Variants in GYS1 observed in about 807,000 individuals in gnomAD.
GYS1 encodes the protein glycogen synthase 1.
GYS1 carries 60 observed loss-of-function variants against 89.1 expected under a neutral mutation model. The ratio of observed to expected loss-of-function variants is 0.67; its 90% CI spans 0.55 to 0.84. The LOEUF (loss-of-function observed/expected upper bound fraction) is 0.84, where lower values mean the gene tolerates loss of function less well. Among genes scored for constraint, GYS1 ranks in the 40% least tolerant of loss-of-function variants. The pLI is 0.00. For missense variants in GYS1, 888 were observed against 1,003.1 expected, an observed-to-expected ratio of 0.89 and a Z score of 1.55; for synonymous variants, 366 against 401.7, an observed-to-expected ratio of 0.91 and a Z score of 1.06.
intron 12 of GYS1, among the ~76,000 whole-genome samples, chr19:48,971,647 C>T (rs1042865471): frequency 3.3e-5 from 5 of 151,630 alleles, no homozygotes; most frequent in African/African-American, 9.7e-5. Flanking sequence ...CTTCACCTCC[C>T]GGGTTCAAGC....
intron 6 of GYS1, 38 bp downstream of exon 6, chr19:48,982,682 C>T: frequency 1.4e-6 from 2 of 1,388,028 alleles, no homozygotes; most frequent in Non-Finnish European, 2.1e-6. Flanking sequence ...GCTCCCAACG[C>T]CCTCCTCTCT....
Position 48,991,673 on chromosome 19 carries a change from G to C in GYS1, c.119-190C>G, listed in dbSNP as rs1431625619. 4.8e-6 allele frequency: 3 copies of C among 630,122 alleles called. No individual in the cohort carries two copies. In the Admixed American group the frequency reaches 8.2e-5, roughly 17 times the overall value. 39.0% of individuals were successfully genotyped at this position (630,122 alleles called of 1,614,324 possible). A position where few individuals can be genotyped will look rare whatever the true frequency, so the allele number is the denominator to read the frequency against. On this transcript the variant is annotated intron_variant, in intron 1 of 15. Transcript: ENST00000323798. The surrounding 1 kb of genome is among the most constrained non-coding windows in gnomAD (Gnocchi z 4.7). ...GATGAGGGGAACACGAGGGCTGGAG[G>C]GCAGTCCTCCTGGGTCTAAGGGAGA...
At chr19:48,969,908 C>T (rs1286477760) in intron 14 of GYS1, 53 bp from the exon 15 acceptor site, 2 of 1,273,600 alleles carry the variant, frequency 1.6e-6, no homozygotes, top group Non-Finnish European at 2.3e-6. Context: ...GCCCCACCCC[C>T]AGGCAGATGA....
Position 48,977,871 on chromosome 19 carries a change from C to T in GYS1, c.1308+53G>A, listed in dbSNP as rs896497796. On this transcript the variant is annotated intron_variant, in intron 10 of 15. Coordinates refer to ENST00000323798, the MANE Select transcript of GYS1 (RefSeq NM_002103.5). ...GGGTCTGAGCTGGCCTGGCAAGCTG[C>T]CTCTGGGGCTGCCAGGAACTGCTAT... The T allele has an allele frequency of 6.5e-6, 9 of 1,393,440 alleles. 1 individual carries two copies. In the Admixed American group the frequency reaches 6.7e-5, roughly 10 times the overall value. The allele number at this position is 1,393,440 out of a possible 1,614,324, so 86.3% of individuals were successfully genotyped here. A position where few individuals can be genotyped will look rare whatever the true frequency, so the allele number is the denominator to read the frequency against.
At chr19:48,971,929 A>G (rs1210419261) in intron 12 of GYS1, among the ~76,000 whole-genome samples, 1 of 148,962 alleles carries the variant, frequency 6.7e-6, no homozygotes, top group Non-Finnish European at 1.5e-5. Context: ...TGGCTTGATC[A>G]TAGCTCACTG....
At chr19:48,989,713 C>G (rs2038893220) in intron 2 of GYS1, among the ~76,000 whole-genome samples, 1 of 152,170 alleles carries the variant, frequency 6.6e-6, no homozygotes, top group Non-Finnish European at 1.5e-5. Context: ...GCATGAGCCA[C>G]CGCCCTCGGC....
intron 10 of GYS1, among the ~76,000 whole-genome samples, chr19:48,976,112 C>CA (rs1217954670): frequency 6.6e-6 from 1 of 151,942 alleles, no homozygotes. Flanking sequence ...TACCACCACT[C>CA]TACTGAGTCT....
chr19:48,970,395 C>T (rs1217131458), intron 14 of GYS1, 151 bp downstream of exon 14: 4 of 700,978 alleles, frequency 5.7e-6, no homozygotes, highest in East Asian at 5.4e-5. Flanking sequence ...GCTGGGATTA[C>T]AACCATGAGC....
In GYS1 at chr19:48,991,707, G is replaced by A. The variant is rs2038932542; in HGVS notation, c.119-224C>T. Among the ~76,000 whole-genome samples, 1 of 152,086 alleles carries A rather than the reference G, an allele frequency of 6.6e-6. No homozygotes were observed. The highest frequency in any genetic ancestry group is 2.1e-4 in the South Asian group (1 of 4,826). On this transcript the variant is annotated intron_variant, in intron 1 of 15. Transcript: ENST00000323798. The surrounding 1 kb of genome is among the most constrained non-coding windows in gnomAD (Gnocchi z 4.7). ...CCTGGGTCTAAGGGAGAAGGGGGCT[G>A]GGGTCAGGACCCTGAAGGAGGAGGG...
In GYS1 at chr19:48,970,616, C is replaced by T; in HGVS notation, c.1739G>A (p.Arg580Gln). Residue 580 changes from arginine (R) to glutamine (Q), a missense_variant, in exon 14 of 16, where the codon CGG (arginine) becomes CAG (glutamine). Transcript: ENST00000323798. ...GCGGTTCCGCTGGATGATACGCTGC[C>T]GCCGGCTCTGCTGACAGAAACTGTA... is the stretch of plus-strand genomic sequence containing the variant. ...FLYSFCQQSR[R>Q]QRIIQRNRTE... is the part of the protein sequence containing the mutation. 6.2e-7 allele frequency: 1 copy of T among 1,613,974 alleles called. No individual in the cohort carries two copies. Among genetic ancestry groups the T allele is most frequent in the African/African-American group, 1.3e-5 (1 of 75,026 alleles).
chr19:48,970,268 G>A (rs2038540416), intron 14 of GYS1: 3 of 479,310 alleles, frequency 6.3e-6, no homozygotes, highest in Admixed American at 3.4e-5. Context: ...GGGACTACAG[G>A]CACGCACCAT....
intron 11 of GYS1, 103 bp from the exon 12 acceptor site, chr19:48,974,442 A>AT: frequency 7.4e-7 from 1 of 1,351,332 alleles, no homozygotes; most frequent in Non-Finnish European, 1.1e-6. Context: ...AGCATCACAC[A>AT]GCATGTGTTT....
rs200998100 is a variant in GYS1 at position 48,991,389 on chromosome 19, C to T, written c.213G>A (p.Gln71=). ...NYFLVGPYTE[Q]GVRTQVELLE... ...GCAGTTCCACCTGGGTCCTCACGCC[C>T]TGCTCCGTGTACGGCCCCACCAGGA... Residue 71 remains glutamine (Q), a synonymous_variant, in exon 2 of 16, where the codon CAG becomes CAA. Coordinates refer to ENST00000323798, the MANE Select transcript of GYS1 (RefSeq NM_002103.5). This position sits in a 1 kb window ranked among gnomAD's most constrained non-coding sequence, Gnocchi z 4.7. The T allele has an allele frequency of 6.2e-7, 1 of 1,614,048 alleles. No individual in the cohort carries two copies. The highest frequency in any genetic ancestry group is 1.3e-5 in the African/African-American group (1 of 74,952).
intron 10 of GYS1, among the ~76,000 whole-genome samples, chr19:48,975,219 T>C (rs765204401): frequency 2.6e-5 from 4 of 151,638 alleles, no homozygotes; most frequent in Non-Finnish European, 2.9e-5. Flanking sequence ...GCGTGAGCCA[T>C]TGCGCTCAGC....
Position 48,969,476 on chromosome 19 carries a change from C to G in GYS1, c.2026G>C (p.Asp676His), listed in dbSNP as rs200945760. ...GPLEEDGERY[D>H]EDEEAAKDRR... ...TCCTTGGCGGCCTCCTCGTCCTCAT[C>G]GTAGCGCTCGCCGTCTTCCTCCAGC... The change falls in exon 16 of 16, where the codon GAT becomes CAT. Residue 676 changes from aspartate (D) to histidine (H), a missense_variant. By Grantham distance (81) the Asp-to-His change is moderately conservative (BLOSUM62 -1). Coordinates refer to ENST00000323798, the MANE Select transcript of GYS1 (RefSeq NM_002103.5). 1 of 1,545,176 alleles carries G rather than the reference C, an allele frequency of 6.5e-7. No individual in the cohort carries two copies. Among genetic ancestry groups the G allele is most frequent in the Admixed American group, 2.0e-5 (1 of 51,004 alleles).
At chr19:48,974,100 T>A (rs2038606880) in intron 12 of GYS1, 113 bp downstream of exon 12, 1 of 1,106,252 alleles carries the variant, frequency 9.0e-7, no homozygotes, top group South Asian at 1.3e-5. Context: ...TTACCATTGT[T>A]CCTGTTTTGC....
chr19:48,989,776 ATTTTTCTAGCCACTGCCG>A (rs1329884586), intron 2 of GYS1, among the ~76,000 whole-genome samples: 1 of 151,934 alleles, frequency 6.6e-6, no homozygotes, highest in African/African-American at 2.4e-5. Context: ...CCAGGGCTGC[ATTTTTCTAGCCACTGCCG>A]TGTTTCTAAG....
At position 48,989,502 on chromosome 19, in the gene GYS1, A is replaced by T. The variant is rs575422700; in HGVS notation, c.300+1800T>A. ...ATCTGAAAAAAAAAAAAAAAAAATT[A>T]TGGCTCACTACAGCCTCCACATCCC... is the stretch of plus-strand genomic sequence containing the variant. On this transcript the variant is annotated intron_variant, in intron 2 of 15. Coordinates refer to ENST00000323798, the MANE Select transcript of GYS1 (RefSeq NM_002103.5). Among the ~76,000 whole-genome samples the T allele has an allele frequency of 3.6e-4, 51 of 142,944 alleles. No homozygotes were observed. The South Asian group carries it at 8.5e-3, about 24-fold the overall frequency. The allele number at this position is 142,944 out of a possible 152,430, so 93.8% of individuals were successfully genotyped here.
intron 2 of GYS1, among the ~76,000 whole-genome samples, 167 bp from the exon 3 acceptor site, chr19:48,987,552 CCTTA>C (rs1461377858): frequency 1.3e-5 from 2 of 152,168 alleles, no homozygotes; most frequent in South Asian, 2.1e-4. Flanking sequence ...GCTGCCTTAG[CCTTA>C]CTTCTCTATT....
Sources: allele counts gnomAD v4.1 joint callset (sites outside exome capture counted in the v4.1 genomes callset), GRCh38; gene constraint gnomAD v4.1.1; non-coding constraint Gnocchi (gnomAD v3.1); transcripts MANE v1.5; gene names NCBI Gene and HGNC (gene_info 2026-07-23, HGNC 2026-07-21).